The following IPO5 variants were observed in gnomAD, a reference collection of about 807,000 sequenced individuals.
The protein encoded by IPO5 is importin 5.
In IPO5, 18 loss-of-function variants were observed where a neutral mutation model predicts 143.3. The observed-to-expected ratio is 0.13, with a 90% CI of 0.09 to 0.19. The LOEUF (loss-of-function observed/expected upper bound fraction) is 0.19, where lower values mean the gene tolerates loss of function less well. Ranked by LOEUF, IPO5 falls within the 10% of genes least tolerant of loss-of-function variation. The pLI, the probability that IPO5 is intolerant of heterozygous loss-of-function variation, is 1.00. For missense variants in IPO5, 1,013 were observed against 1,336.9 expected, an observed-to-expected ratio of 0.76 and a Z score of 3.78; for synonymous variants, 477 against 465.7, an observed-to-expected ratio of 1.02 and a Z score of -0.31.
chr13:97,985,022 G>C (rs1285783018), intron 5 of IPO5, among the ~76,000 whole-genome samples: 1 of 152,186 alleles, frequency 6.6e-6, no homozygotes, highest in Non-Finnish European at 1.5e-5. Flanking sequence ...GTTAGGTCAG[G>C]CTGGGAGCCT....
chr13:97,994,947 GA>G (rs1441561960), intron 11 of IPO5, among the ~76,000 whole-genome samples: 1 of 151,944 alleles, frequency 6.6e-6, no homozygotes, highest in Non-Finnish European at 1.5e-5. Flanking sequence ...GCGACATGAC[GA>G]AACCCTTTCT....
intron 2 of IPO5, among the ~76,000 whole-genome samples, chr13:97,963,805 T>A (rs1239462770): frequency 6.6e-6 from 1 of 152,164 alleles, no homozygotes; most frequent in East Asian, 1.9e-4. Flanking sequence ...CAATTTACAC[T>A]CCCACCAACA....
intron 12 of IPO5, among the ~76,000 whole-genome samples, 159 bp downstream of exon 12, chr13:97,997,777 G>A (rs1167363574): frequency 6.6e-6 from 1 of 152,108 alleles, no homozygotes; most frequent in Non-Finnish European, 1.5e-5. Flanking sequence ...CATGTTATAA[G>A]TAGTATTTTC....
chr13:97,984,702 T>C (rs1052218458), intron 5 of IPO5, among the ~76,000 whole-genome samples: 1 of 152,218 alleles, frequency 6.6e-6, no homozygotes, highest in African/African-American at 2.4e-5. Flanking sequence ...AAAGTAATTA[T>C]AGTGATAATG....
At chr13:98,005,331 G>A (rs2056274037) in intron 16 of IPO5, among the ~76,000 whole-genome samples, 1 of 151,150 alleles carries the variant, frequency 6.6e-6, no homozygotes, top group South Asian at 2.1e-4. Context: ...CGGAGTAATG[G>A]GATTACAGGG....
At chr13:97,964,692 G>A (rs1334307616) in intron 2 of IPO5, among the ~76,000 whole-genome samples, 7 of 151,680 alleles carry the variant, frequency 4.6e-5, no homozygotes, top group Admixed American at 3.3e-4. Flanking sequence ...CTCATGACCC[G>A]CCCGCCTCAG....
intron 16 of IPO5, among the ~76,000 whole-genome samples, chr13:98,004,550 T>A (rs1889057658): frequency 6.6e-6 from 1 of 152,166 alleles, no homozygotes; most frequent in South Asian, 2.1e-4. Context: ...CTTCCTGCAG[T>A]GAGGCACTAT....
chr13:97,963,729 T>C (rs1885077923), intron 2 of IPO5, among the ~76,000 whole-genome samples: 1 of 152,194 alleles, frequency 6.6e-6, no homozygotes, highest in African/African-American at 2.4e-5. Context: ...AATTTTGTTT[T>C]TTTCGACTGC....
chr13:97,995,179 G>GTTTTT (rs200248504), intron 11 of IPO5, among the ~76,000 whole-genome samples: 1 of 131,756 alleles, frequency 7.6e-6, no homozygotes, highest in Admixed American at 7.7e-5. Context: ...TTCTTTCTTT[G>GTTTTT]TTTTTTTTTT....
chr13:98,019,520 TATATTCATTTGC>T, intron 26 of IPO5, 49 bp from the exon 27 acceptor site: 1 of 1,099,416 alleles, frequency 9.1e-7, no homozygotes. Flanking sequence ...CAAAAATACA[TATATTCATTTGC>T]ATGAAAATGT....
chr13:98,018,008 A>G (rs754297880), intron 25 of IPO5, among the ~76,000 whole-genome samples: 3 of 152,112 alleles, frequency 2.0e-5, no homozygotes, highest in Non-Finnish European at 4.4e-5. Context: ...ATTAGCAGCT[A>G]TCATCAGATG....
chr13:97,989,314 A>AT (rs201499618), intron 7 of IPO5, 150 bp downstream of exon 7: 80 of 500,930 alleles, frequency 1.6e-4, no homozygotes, highest in Middle Eastern at 9.9e-4. Context: ...ATTGGAAGCA[A>AT]TTTTTTTTAA....
rs933574198 is a variant in IPO5, at chr13:97,995,583, G to A, written c.914-1948G>A. 5.9e-5 allele frequency among the ~76,000 whole-genome samples: 9 copies of A among 151,572 alleles called. 1 individual carries two copies. The highest frequency in any genetic ancestry group is 6.6e-5 in the Admixed American group (1 of 15,198). On this transcript the variant is annotated intron_variant, in intron 11 of 28. Coordinates refer to ENST00000651721, the MANE Select transcript of IPO5 (RefSeq NM_002271.6). The stretch of plus-strand genomic sequence containing the variant: ...ATCCTGGCTAACACTGTGAAACCCC[G>A]TCCCTACTAAAAAATGCAAAAAATT...
rs774774493 is a variant in IPO5 at position 97,997,596 on chromosome 13, C to T, written c.979C>T (p.Leu327=). 6.2e-7 allele frequency: 1 copy of T among 1,608,594 alleles called. No homozygotes were observed. Among genetic ancestry groups the T allele is most frequent in the East Asian group, 2.2e-5 (1 of 44,842 alleles). Residue 327 remains leucine (L), a synonymous_variant, in exon 12 of 29, where the codon CTA becomes TTA. Transcript: ENST00000651721. ...EDEDWANADE[L]EDDDFDSNAV... ...TGAGGACTGGGCAAATGCAGATGAA[C>T]TAGAAGATGATGATTTTGACAGGTA...
chr13:97,994,571 A>G (rs374660689), intron 11 of IPO5, among the ~76,000 whole-genome samples: 18 of 152,254 alleles, frequency 1.2e-4, no homozygotes, highest in African/African-American at 4.3e-4. Flanking sequence ...TGAAAGACTA[A>G]TAGAAGAACA....
intron 5 of IPO5, among the ~76,000 whole-genome samples, chr13:97,982,915 G>C (rs1594059223): frequency 6.6e-6 from 1 of 152,234 alleles, no homozygotes; most frequent in African/African-American, 2.4e-5. Context: ...ACTCTGCCCA[G>C]GCTTGAGTGC....
chr13:97,982,666 G>A, intron 5 of IPO5, 83 bp downstream of exon 5: 1 of 904,872 alleles, frequency 1.1e-6, no homozygotes, highest in Non-Finnish European at 1.8e-6. Flanking sequence ...AGAGAAATGA[G>A]AATTGTGATT....
intron 3 of IPO5, among the ~76,000 whole-genome samples, chr13:97,975,357 G>A (rs1471302455): frequency 1.3e-5 from 2 of 152,178 alleles, no homozygotes; most frequent in African/African-American, 4.8e-5. Context: ...TGGGCATGGT[G>A]GAACATGCCT....
intron 4 of IPO5, among the ~76,000 whole-genome samples, chr13:97,978,340 A>G (rs1302597086): frequency 3.9e-5 from 6 of 152,232 alleles, no homozygotes; most frequent in Non-Finnish European, 8.8e-5. Context: ...TTGGTCAGCT[A>G]TAGATTATAC....
Sources: allele counts gnomAD v4.1 joint callset (sites outside exome capture counted in the v4.1 genomes callset), GRCh38; gene constraint gnomAD v4.1.1; transcripts MANE v1.5; gene names NCBI Gene and HGNC (gene_info 2026-07-23, HGNC 2026-07-21).